HS6ST1: variants seen among roughly 807,000 people sequenced by gnomAD.
HS6ST1 encodes heparan-sulfate 6-O-sulfotransferase 1.
HS6ST1 carries 3 observed loss-of-function variants against 25.2 expected under a neutral mutation model. The observed-to-expected ratio is 0.12, with a 90% CI of 0.05 to 0.31. The LOEUF (loss-of-function observed/expected upper bound fraction) is 0.31. HS6ST1 is among the 10% of genes least tolerant of loss of function. HS6ST1 has a pLI of 1.00. For missense variants in HS6ST1, 310 were observed against 609.6 expected (o/e 0.51, Z 5.18); for synonymous variants, 204 against 275.1 (o/e 0.74, Z 2.56).
chr2:128,278,303 G>C (rs184685801), intron 1 of HS6ST1, among the ~76,000 whole-genome samples: 1 of 152,236 alleles, frequency 6.6e-6, no homozygotes, highest in African/African-American at 2.4e-5. Flanking sequence ...ACTCATGCCT[G>C]CATCTTCTTA....
chr2:128,285,008 C>T (rs543405511), intron 1 of HS6ST1, among the ~76,000 whole-genome samples: 1 of 152,134 alleles, frequency 6.6e-6, no homozygotes, highest in Admixed American at 6.5e-5. Context: ...GCCTGGTGCC[C>T]GGGCCTCACC....
intron 1 of HS6ST1, among the ~76,000 whole-genome samples, chr2:128,307,828 C>T (rs1252963514): frequency 6.6e-6 from 1 of 152,154 alleles, no homozygotes; most frequent in Admixed American, 6.5e-5. Flanking sequence ...TGACACACTC[C>T]TAGGGACACA....
chr2:128,308,959 T>A (rs1694249646), intron 1 of HS6ST1, among the ~76,000 whole-genome samples: 1 of 152,208 alleles, frequency 6.6e-6, no homozygotes, highest in Admixed American at 6.5e-5. Context: ...ACAGTGGAAC[T>A]GTGGGTATAA....
At chr2:128,290,738 G>A (rs28595286) in intron 1 of HS6ST1, among the ~76,000 whole-genome samples, 15,236 of 149,796 alleles carry the variant, frequency 0.1, 854 homozygotes, top group African/African-American at 0.15. Context: ...TTGGGAGGCT[G>A]AGGCAGGTGG....
chr2:128,293,360 A>G (rs1337765270), intron 1 of HS6ST1, among the ~76,000 whole-genome samples: 1 of 152,240 alleles, frequency 6.6e-6, no homozygotes, highest in Non-Finnish European at 1.5e-5. Context: ...GAGGCCTGGA[A>G]TGAAGCATGA....
At chr2:128,270,372 G>C (rs1378119262) in intron 1 of HS6ST1, among the ~76,000 whole-genome samples, 1 of 152,140 alleles carries the variant, frequency 6.6e-6, no homozygotes, top group Non-Finnish European at 1.5e-5. Flanking sequence ...CCCTGCTCCA[G>C]GCTCCCACTT....
intron 1 of HS6ST1, among the ~76,000 whole-genome samples, chr2:128,272,340 C>G (rs138206170): frequency 2.9e-3 from 449 of 152,352 alleles, no homozygotes; most frequent in African/African-American, 1.0e-2. Context: ...GGTCAGACCT[C>G]TCCACCTTTA....
At chr2:128,279,047 T>C (rs920813206) in intron 1 of HS6ST1, among the ~76,000 whole-genome samples, 3 of 152,232 alleles carry the variant, frequency 2.0e-5, no homozygotes, top group Non-Finnish European at 4.4e-5. Flanking sequence ...CCCCGCTGCA[T>C]GGGACAGGGT....
rs144285421 is a variant in HS6ST1 at position 128,296,935 on chromosome 2, G to A, written c.527+21102C>T. Among the ~76,000 whole-genome samples the A allele has an allele frequency of 1.7e-4, 26 of 152,306 alleles. No individual in the cohort carries two copies. In the East Asian group the frequency reaches 4.8e-3, roughly 28 times the overall value. ...TACTTGACAAAAAAGAATGGCTCAT[G>A]TCTGTAATCCCAGCACTTTGGGAGG... On this transcript the variant is annotated intron_variant, in intron 1 of 1. Transcript: ENST00000259241.
chr2:128,285,188 C>T (rs1045100011), intron 1 of HS6ST1, among the ~76,000 whole-genome samples: 1 of 152,230 alleles, frequency 6.6e-6, no homozygotes, highest in African/African-American at 2.4e-5. Context: ...AATGAGTGTT[C>T]CACGCTCTCT....
chr2:128,313,940 TAA>T lies in HS6ST1; in HGVS notation c.527+4095_527+4096del, dbSNP rs59138336. Among the ~76,000 whole-genome samples the T allele has an allele frequency of 4.6e-3, 630 of 137,988 alleles. 11 individuals are homozygous for T. The highest frequency in any genetic ancestry group is 0.015 in the Middle Eastern group (4 of 266). The allele number at this position is 137,988 out of a possible 152,430, so 90.5% of individuals were successfully genotyped here. A position where few individuals can be genotyped will look rare whatever the true frequency, so the allele number is the denominator to read the frequency against. Reference sequence around the variant, plus strand: ...AAGTTTGCCTTATCATGTGTTTGCTTAAAAAAAAAAAAAAAGGATTTTTTATC... The same window carrying T: ...AAGTTTGCCTTATCATGTGTTTGCTTAAAAAAAAAAAAAGGATTTTTTATC... On this transcript the variant is annotated intron_variant, in intron 1 of 1. Transcript: ENST00000259241.
chr2:128,280,674 C>T (rs1184517464), intron 1 of HS6ST1, among the ~76,000 whole-genome samples: 1 of 150,080 alleles, frequency 6.7e-6, no homozygotes, highest in Non-Finnish European at 1.5e-5. Context: ...TTCTTGGTGA[C>T]GTCTGTAGAA....
At position 128,268,453 on chromosome 2, in the gene HS6ST1, G is replaced by C; in HGVS notation, c.945C>G (p.Pro315=). The part of the protein sequence containing the change: ...ERTFNLKFIR[P]FMQYNSTRAG... ...CCCGCGTGCTATTGTACTGCATGAA[G>C]GGCCGGATGAACTTGAGGTTGAACG... is the stretch of plus-strand genomic sequence containing the variant. Residue 315 remains proline, a synonymous_variant, in exon 2 of 2, where the codon CCC becomes CCG. Transcript: ENST00000259241. The C allele has an allele frequency of 6.2e-7, 1 of 1,613,552 alleles. No individual in the cohort carries two copies. The highest frequency in any genetic ancestry group is 8.5e-7 in the Non-Finnish European group (1 of 1,179,836).
At chr2:128,301,655 T>C (rs77005662) in intron 1 of HS6ST1, among the ~76,000 whole-genome samples, 11,751 of 152,262 alleles carry the variant, frequency 0.077, 609 homozygotes, top group Non-Finnish European at 0.098. Flanking sequence ...GATGTGTGTA[T>C]ATGAGCGTGA....
chr2:128,311,442 C>A (rs773126560), intron 1 of HS6ST1, among the ~76,000 whole-genome samples: 1 of 152,178 alleles, frequency 6.6e-6, no homozygotes, highest in Non-Finnish European at 1.5e-5. Flanking sequence ...CTGGGCCCCA[C>A]ATGCTACCAC....
At chr2:128,274,516 T>A (rs1270283237) in intron 1 of HS6ST1, among the ~76,000 whole-genome samples, 1 of 152,024 alleles carries the variant, frequency 6.6e-6, no homozygotes, top group East Asian at 1.9e-4. Context: ...TTTAGGAAGA[T>A]CCTGGAGTAG....
At chr2:128,309,950 G>T (rs756825258) in intron 1 of HS6ST1, among the ~76,000 whole-genome samples, 4 of 152,240 alleles carry the variant, frequency 2.6e-5, no homozygotes, top group Non-Finnish European at 5.9e-5. Context: ...GGTCACCACG[G>T]TCACAGTTAA....
intron 1 of HS6ST1, among the ~76,000 whole-genome samples, chr2:128,302,324 G>A (rs1018206749): frequency 6.6e-5 from 10 of 152,184 alleles, no homozygotes; most frequent in African/African-American, 2.2e-4. Flanking sequence ...GTGCAGCCAA[G>A]GCTGGCGTGC....
intron 1 of HS6ST1, among the ~76,000 whole-genome samples, chr2:128,310,803 A>ATCAGGAAAGGGGCACTT (rs1330497173): frequency 2.0e-5 from 3 of 152,162 alleles, no homozygotes; most frequent in Non-Finnish European, 4.4e-5. Flanking sequence ...ACAATGCCCT[A>ATCAGGAAAGGGGCACTT]TCAGGAAAGG....
Sources: gnomAD v4.1 joint callset for allele counts (sites outside exome capture counted in the v4.1 genomes callset) on GRCh38, gnomAD v4.1.1 for gene constraint, MANE v1.5 for transcripts, NCBI Gene and HGNC (gene_info 2026-07-23, HGNC 2026-07-21) for gene names.